The following PTK2B variants were observed in gnomAD, a reference collection of about 807,000 sequenced individuals.
PTK2B encodes the protein protein-tyrosine kinase 2-beta.
Under a neutral mutation model 142.9 loss-of-function variants are expected in PTK2B, and 71 were observed. The observed-to-expected ratio is 0.50, with a 90% CI of 0.41 to 0.61. PTK2B has a LOEUF of 0.61. PTK2B is among the 20% of genes least tolerant of loss of function. The probability of loss-of-function intolerance (pLI) is 0.00; values close to 1 mark genes in which losing one functional copy is unlikely to be tolerated. For synonymous variants in PTK2B, 519 were observed against 503.4 expected (o/e 1.03, Z -0.42); for missense variants, 1,105 against 1,320.4 (o/e 0.84, Z 2.53).
chr8:27,320,309 A>G (rs1291495024), intron 3 of PTK2B, among the ~76,000 whole-genome samples: 1 of 152,180 alleles, frequency 6.6e-6, no homozygotes, highest in Non-Finnish European at 1.5e-5. Context: ...AAACTAAGGA[A>G]AAGTCCCACA....
chr8:27,345,694 T>C (rs1266527367), intron 1 of PTK2B, among the ~76,000 whole-genome samples: 6 of 152,214 alleles, frequency 3.9e-5, no homozygotes, highest in Admixed American at 3.9e-4. Flanking sequence ...GCTGACTTTC[T>C]GATCAAAGGA....
In PTK2B at chr8:27,378,617, G is replaced by C. The variant is rs1266242521; in HGVS notation, c.-37-18931G>C. ...ACAGCTTATCTGTGTGTGTGTGTGT[G>C]TGTGTGTGTGTGTGTGTGTGTGTGT... On this transcript the variant is annotated intron_variant, in intron 1 of 30. Transcript: ENST00000346049. Among the ~76,000 whole-genome samples the C allele has an allele frequency of 4.3e-4, 37 of 86,476 alleles. No individual in the cohort carries two copies. The South Asian group carries it at 0.015, about 35-fold the overall frequency. The allele number at this position is 86,476 out of a possible 152,430, so 56.7% of individuals were successfully genotyped here. A position where few individuals can be genotyped will look rare whatever the true frequency, so the allele number is the denominator to read the frequency against.
rs566721269 is a variant in PTK2B at position 27,440,531 on chromosome 8, C to G, written c.2039+90C>G. The G allele has an allele frequency of 2.2e-5, 32 of 1,446,024 alleles. No individual in the cohort carries two copies. The East Asian group carries it at 7.2e-4, about 32-fold the overall frequency. The allele number at this position is 1,446,024 out of a possible 1,614,324, so 89.6% of individuals were successfully genotyped here. On this transcript the variant is annotated intron_variant, in intron 21 of 30. Transcript: ENST00000346049. The stretch of plus-strand genomic sequence containing the variant: ...ACACAGAGAGGTTTGCACCACATCT[C>G]CCTAAAGAAGACGGGCCAGGGTCAA...
At chr8:27,368,987 C>G (rs767552455) in intron 1 of PTK2B, among the ~76,000 whole-genome samples, 1 of 152,226 alleles carries the variant, frequency 6.6e-6, no homozygotes, top group Admixed American at 6.5e-5. Flanking sequence ...TTGTGAAGGG[C>G]TGTTCTAACC....
chr8:27,345,635 A>G lies in PTK2B; in HGVS notation c.-38+19954A>G, dbSNP rs562232915. The stretch of plus-strand genomic sequence containing the variant: ...TACTTGCCTTCCCCAGCCTGCAGAT[A>G]TGACATTTGGATGATGGGACCCAGT... On this transcript the variant is annotated intron_variant, in intron 1 of 30. Transcript: ENST00000346049. 1.6e-4 allele frequency among the ~76,000 whole-genome samples: 24 copies of G among 152,280 alleles called. No homozygotes were observed. The South Asian group carries it at 4.8e-3, about 30-fold the overall frequency.
intron 1 of PTK2B, among the ~76,000 whole-genome samples, chr8:27,360,057 A>C (rs1362639475): frequency 2.6e-5 from 4 of 152,210 alleles, no homozygotes; most frequent in East Asian, 1.9e-4. Flanking sequence ...GATGTGATTA[A>C]GATGTCTTTG....
intron 1 of PTK2B, among the ~76,000 whole-genome samples, chr8:27,353,634 G>A (rs138368976): frequency 3.3e-5 from 5 of 152,314 alleles, no homozygotes; most frequent in Admixed American, 2.6e-4. Flanking sequence ...GACCAAGACA[G>A]CACTTGAACA....
At chr8:27,422,450 C>G (rs1200254675) in intron 5 of PTK2B, 67 bp downstream of exon 5, 17 of 1,370,974 alleles carry the variant, frequency 1.2e-5, no homozygotes, top group Non-Finnish European at 1.7e-5. Flanking sequence ...CGACCTTTCC[C>G]CATGTCCAAG....
chr8:27,435,720 T>A (rs1157456870), intron 13 of PTK2B, 23 bp from the exon 14 acceptor site: 1 of 1,613,224 alleles, frequency 6.2e-7, no homozygotes, highest in Non-Finnish European at 8.5e-7. Flanking sequence ...TGTCCACGGC[T>A]GAGCCTCTTC....
intron 1 of PTK2B, among the ~76,000 whole-genome samples, chr8:27,358,378 G>A (rs1323357071): frequency 6.6e-6 from 1 of 152,088 alleles, no homozygotes; most frequent in Non-Finnish European, 1.5e-5. Flanking sequence ...GTGCATATAA[G>A]CTTATGATTG....
chr8:27,365,236 C>A (rs1196176309), intron 1 of PTK2B, among the ~76,000 whole-genome samples: 1 of 152,230 alleles, frequency 6.6e-6, no homozygotes, highest in Non-Finnish European at 1.5e-5. Context: ...ATGGCGATAT[C>A]TGTCTCCCCA....
chr8:27,419,997 C>A lies in PTK2B; in HGVS notation c.307C>A (p.His103Asn). ...GAAGCACATGAAGTCCGATGAGATC[C>A]ACTGGCTGCACCCACAGATGACGGT... ...RLKHMKSDEI[H>N]WLHPQMTVGE... Residue 103 changes from histidine (H) to asparagine (N), a missense_variant, in exon 3 of 31, where the codon CAC becomes AAC. Transcript: ENST00000346049. 6.2e-7 allele frequency: 1 copy of A among 1,614,192 alleles called. No homozygotes were observed. Among genetic ancestry groups the A allele is most frequent in the Non-Finnish European group, 8.5e-7 (1 of 1,180,036 alleles).
chr8:27,437,717 A>T, intron 17 of PTK2B, 48 bp from the exon 18 acceptor site: 2 of 1,549,376 alleles, frequency 1.3e-6, no homozygotes, highest in Non-Finnish European at 8.8e-7. Flanking sequence ...CCCTGGCTCC[A>T]TACTGGGACC....
In PTK2B at chr8:27,338,044, C is replaced by T. The variant is rs76570223; in HGVS notation, c.-38+12363C>T. On this transcript the variant is annotated intron_variant, in intron 1 of 30. Coordinates refer to ENST00000346049, the MANE Select transcript of PTK2B (RefSeq NM_173176.3). Reference sequence around the variant, plus strand: ...CAACACTTGTTGTTGTCTGTAATTTCGTTGTTAGCCATCCCAGTGGGGATG... The same window carrying T: ...CAACACTTGTTGTTGTCTGTAATTTTGTTGTTAGCCATCCCAGTGGGGATG... Among the ~76,000 whole-genome samples, 688 of 152,280 alleles carry T rather than the reference C, an allele frequency of 4.5e-3. 7 individuals carry two copies. The highest frequency in any genetic ancestry group is 0.035 in the East Asian group (182 of 5,184).
At chr8:27,369,298 G>A (rs1806201534) in intron 1 of PTK2B, among the ~76,000 whole-genome samples, 1 of 152,092 alleles carries the variant, frequency 6.6e-6, no homozygotes, top group South Asian at 2.1e-4. Flanking sequence ...AGATGACCAG[G>A]CCCTGTGCTG....
chr8:27,340,992 G>T (rs578169877), intron 1 of PTK2B, among the ~76,000 whole-genome samples: 3 of 152,196 alleles, frequency 2.0e-5, no homozygotes, highest in African/African-American at 7.2e-5. Flanking sequence ...TGGGAGAGAC[G>T]GATGAAGGGG....
chr8:27,392,014 G>A (rs1036276430), intron 1 of PTK2B, among the ~76,000 whole-genome samples: 53 of 152,206 alleles, frequency 3.5e-4, no homozygotes, highest in African/African-American at 1.2e-3. Flanking sequence ...GAATGCCAGG[G>A]CTTGGAGAGC....
intron 29 of PTK2B, 23 bp from the exon 30 acceptor site, chr8:27,454,508 A>T (rs778070815): frequency 6.2e-7 from 1 of 1,611,182 alleles, no homozygotes; most frequent in African/African-American, 1.3e-5. Flanking sequence ...AGTGGCGGCC[A>T]TCCTGCCCCT....
At chr8:27,443,630 C>A (rs549282224) in intron 22 of PTK2B, among the ~76,000 whole-genome samples, 1 of 152,190 alleles carries the variant, frequency 6.6e-6, no homozygotes, top group Non-Finnish European at 1.5e-5. Context: ...GCTCCATCCT[C>A]ATAACCTCAT....
Sources: gnomAD v4.1 joint callset for allele counts (sites outside exome capture counted in the v4.1 genomes callset) on GRCh38, gnomAD v4.1.1 for gene constraint, MANE v1.5 for transcripts, NCBI Gene and HGNC (gene_info 2026-07-23, HGNC 2026-07-21) for gene names.